SPAG17: variants seen among roughly 807,000 people sequenced by gnomAD.
SPAG17 encodes the protein sperm associated antigen 17.
A neutral mutation model predicts 273.6 loss-of-function variants in SPAG17; 169 were observed. That is an observed-to-expected ratio of 0.62 (90% CI 0.55 to 0.70). SPAG17 has a LOEUF of 0.70. Among genes scored for constraint, SPAG17 ranks in the 30% least tolerant of loss-of-function variants. The pLI is 0.00. For missense variants in SPAG17, 2,557 were observed against 2,627.8 expected (o/e 0.97, Z 0.59); for synonymous variants, 825 against 873.2 (o/e 0.94, Z 0.97).
intron 1 of SPAG17, among the ~76,000 whole-genome samples, chr1:118,184,496 C>CCT (rs1435708980): frequency 6.6e-6 from 1 of 152,110 alleles, no homozygotes; most frequent in Admixed American, 6.5e-5. Context: ...GCCGCCAACC[C>CCT]CTCATTGCTC....
In SPAG17 at chr1:118,151,354, AG is replaced by A; in HGVS notation, c.102del (p.Ser35ProfsTer46). ...TGGTTCCCAACCACAAAAGCAATGG[AG>A]GCCTGCCAATCGTTCTATTAAAAAT... Reference protein sequence around the residue: ...AAQFNQNDWQASIAFVVGNQI... With the variant: ...AAQFNQNDWQXSIAFVVGNQI... On this transcript the variant is annotated frameshift_variant, in exon 2 of 49. Coordinates refer to ENST00000336338, the MANE Select transcript of SPAG17 (RefSeq NM_206996.4). LOFTEE classifies it high-confidence loss of function. The A allele has an allele frequency of 6.2e-7, 1 of 1,612,506 alleles. No homozygotes were observed. Among genetic ancestry groups the A allele is most frequent in the Non-Finnish European group, 8.5e-7 (1 of 1,179,022 alleles).
At chr1:118,069,296 G>A (rs1181770367) in intron 17 of SPAG17, among the ~76,000 whole-genome samples, 2 of 134,676 alleles carry the variant, frequency 1.5e-5, no homozygotes. Flanking sequence ...AGTGAGCCGA[G>A]AGCATGCCAC....
intron 23 of SPAG17, among the ~76,000 whole-genome samples, 195 bp from the exon 24 acceptor site, chr1:118,037,078 C>T (rs1649170378): frequency 6.6e-6 from 1 of 152,070 alleles, no homozygotes. Context: ...ATATGAAACT[C>T]TTGTTTTAGG....
intron 10 of SPAG17, among the ~76,000 whole-genome samples, chr1:118,087,861 C>T (rs773495727): frequency 6.6e-6 from 1 of 152,114 alleles, no homozygotes; most frequent in Non-Finnish European, 1.5e-5. Context: ...GGGGGGTTGT[C>T]CTGTGCACTA....
Position 118,086,854 on chromosome 1 carries a change from A to G in SPAG17, c.1497+17T>C, listed in dbSNP as rs1378621665. 2 of 1,614,180 alleles carry G rather than the reference A, an allele frequency of 1.2e-6. No individual in the cohort carries two copies. The highest frequency in any genetic ancestry group is 2.2e-5 in the South Asian group (2 of 91,084). On this transcript the variant is annotated intron_variant, in intron 11 of 48. Coordinates refer to ENST00000336338, the MANE Select transcript of SPAG17 (RefSeq NM_206996.4). ...TTTTCCAAAGCATGAAGACTCTGCT[A>G]TCTCAGGCTATCTGACCTTTTTCTC... is the stretch of plus-strand genomic sequence containing the variant.
chr1:118,054,728 CT>C (rs1651459022), intron 19 of SPAG17, among the ~76,000 whole-genome samples: 1 of 151,842 alleles, frequency 6.6e-6, no homozygotes, highest in African/African-American at 2.4e-5. Context: ...ATTTATTTTT[CT>C]TTTCTTTTTT....
At chr1:118,050,883 A>G (rs1650927848) in intron 20 of SPAG17, among the ~76,000 whole-genome samples, 1 of 151,900 alleles carries the variant, frequency 6.6e-6, no homozygotes, top group African/African-American at 2.4e-5. Context: ...AAAAACAAAA[A>G]TAGACAAATG....
intron 20 of SPAG17, among the ~76,000 whole-genome samples, chr1:118,047,626 C>T (rs938913247): frequency 6.6e-6 from 1 of 152,138 alleles, no homozygotes; most frequent in Admixed American, 6.5e-5. Context: ...CATGCAGATC[C>T]GGCTTCCAGG....
intron 24 of SPAG17, among the ~76,000 whole-genome samples, chr1:118,033,702 T>C (rs1648747021): frequency 1.3e-5 from 2 of 152,366 alleles, no homozygotes; most frequent in South Asian, 4.1e-4. Flanking sequence ...GGTCTTCACC[T>C]ACCTCCACTG....
chr1:118,090,117 G>C (rs533935158), intron 10 of SPAG17, among the ~76,000 whole-genome samples: 4 of 152,258 alleles, frequency 2.6e-5, no homozygotes, highest in Admixed American at 2.6e-4. Context: ...TACAATGGGG[G>C]ATAAAAACAG....
intron 44 of SPAG17, among the ~76,000 whole-genome samples, chr1:117,972,776 G>GA (rs11289207): frequency 6.6e-6 from 1 of 151,320 alleles, no homozygotes; most frequent in East Asian, 1.9e-4. Flanking sequence ...TGCCATGGAA[G>GA]AAAAAAAAAG....
intron 20 of SPAG17, among the ~76,000 whole-genome samples, chr1:118,049,998 A>G (rs1350540822): frequency 1.3e-5 from 2 of 152,168 alleles, no homozygotes; most frequent in Non-Finnish European, 2.9e-5. Flanking sequence ...GGGCTCAAAT[A>G]TGTGCATTAA....
chr1:118,029,543 G>T (rs1648181570), intron 25 of SPAG17, among the ~76,000 whole-genome samples: 1 of 152,102 alleles, frequency 6.6e-6, no homozygotes, highest in South Asian at 2.1e-4. Context: ...TGTAGCAAAT[G>T]AAAGTAATAA....
chr1:118,159,038 A>G (rs1659787243), intron 1 of SPAG17, among the ~76,000 whole-genome samples: 1 of 152,222 alleles, frequency 6.6e-6, no homozygotes, highest in African/African-American at 2.4e-5. Context: ...ACCACACACT[A>G]AAGAGAACTT....
At chr1:118,117,216 G>A (rs574968164) in intron 3 of SPAG17, among the ~76,000 whole-genome samples, 31 of 152,300 alleles carry the variant, frequency 2.0e-4, no homozygotes, top group African/African-American at 6.3e-4. Flanking sequence ...TAATGACAGC[G>A]CTGAAGGGAA....
chr1:118,148,321 A>G (rs928876568), intron 3 of SPAG17, among the ~76,000 whole-genome samples: 1 of 152,196 alleles, frequency 6.6e-6, no homozygotes, highest in Non-Finnish European at 1.5e-5. Context: ...GTGCAGATCC[A>G]AACACTGAGC....
At chr1:118,017,618 G>T (rs568033126) in intron 28 of SPAG17, among the ~76,000 whole-genome samples, 5 of 152,238 alleles carry the variant, frequency 3.3e-5, no homozygotes, top group Admixed American at 3.3e-4. Flanking sequence ...GCTTTTGGCA[G>T]GAAGATGCAA....
At chr1:118,162,961 T>C (rs1033849375) in intron 1 of SPAG17, among the ~76,000 whole-genome samples, 4 of 152,176 alleles carry the variant, frequency 2.6e-5, no homozygotes, top group Non-Finnish European at 5.9e-5. Context: ...TATTCATGAA[T>C]ATAGATAAAT....
chr1:118,168,613 A>G (rs886448193), intron 1 of SPAG17, among the ~76,000 whole-genome samples: 7 of 152,340 alleles, frequency 4.6e-5, no homozygotes, highest in South Asian at 2.1e-4. Context: ...CAAAATTCTA[A>G]ACTTTTGCTA....
Sources: allele counts gnomAD v4.1 joint callset (sites outside exome capture counted in the v4.1 genomes callset), GRCh38; gene constraint gnomAD v4.1.1; transcripts MANE v1.5; gene names NCBI Gene and HGNC (gene_info 2026-07-23, HGNC 2026-07-21).